POTEI: variants seen among roughly 807,000 people sequenced by gnomAD.
POTEI encodes the protein POTE ankyrin domain family member I.
POTEI carries 14 observed loss-of-function variants against 43.4 expected under a neutral mutation model. That is an observed-to-expected ratio of 0.32 (90% CI 0.21 to 0.50). The LOEUF is 0.50. Ranked by LOEUF, POTEI falls within the 20% of genes least tolerant of loss-of-function variation. The pLI is 0.98. For missense variants in POTEI, 235 were observed against 795.4 expected (o/e 0.30, Z 8.47); for synonymous variants, 95 against 297.9 (o/e 0.32, Z 7.01).
At chr2:130,480,461 C>T (rs1210730486) in intron 10 of POTEI, among the ~76,000 whole-genome samples, 1 of 150,960 alleles carries the variant, frequency 6.6e-6, no homozygotes, top group African/African-American at 2.4e-5. Flanking sequence ...TCTGCACTTG[C>T]TGCTCTTCCT....
chr2:130,504,970 A>AAC (rs1277792584), intron 1 of POTEI, among the ~76,000 whole-genome samples: 63 of 104,920 alleles, frequency 6.0e-4, no homozygotes, highest in African/African-American at 1.7e-3. Flanking sequence ...TACATAGGTA[A>AAC]ATGTGCACCA....
At chr2:130,496,453 C>T in intron 6 of POTEI, 99 bp downstream of exon 6, 2 of 731,792 alleles carry the variant, frequency 2.7e-6, no homozygotes, top group Non-Finnish European at 4.2e-6. Flanking sequence ...TCCCCACCTT[C>T]CCCCAGCCCA....
At chr2:130,477,509 A>G (rs1355009211) in intron 10 of POTEI, among the ~76,000 whole-genome samples, 1 of 150,774 alleles carries the variant, frequency 6.6e-6, no homozygotes, top group African/African-American at 2.5e-5. Flanking sequence ...CCAAATAAAC[A>G]GGTACCTCCT....
In POTEI at chr2:130,508,649, C is replaced by G; in HGVS notation, c.521+66G>C. 12 of 690,206 alleles carry G rather than the reference C, an allele frequency of 1.7e-5. 1 individual carries two copies. Among genetic ancestry groups the G allele is most frequent in the Non-Finnish European group, 1.9e-5 (9 of 481,302 alleles). 42.8% of individuals were successfully genotyped at this position (690,206 alleles called of 1,614,324 possible). A position where few individuals can be genotyped will look rare whatever the true frequency, so the allele number is the denominator to read the frequency against. On this transcript the variant is annotated intron_variant, in intron 1 of 14. Coordinates refer to ENST00000451531, the MANE Select transcript of POTEI (RefSeq NM_001277406.2). ...GAGAAAGCCAGGTCCCCCTCCTCCC[C>G]CGCCAGGAGGGTATGTCCCCATCAT...
chr2:130,493,052 T>C (rs1382820460), intron 6 of POTEI, among the ~76,000 whole-genome samples: 3 of 124,336 alleles, frequency 2.4e-5, no homozygotes, highest in African/African-American at 5.6e-5. Flanking sequence ...AAAAATGCCC[T>C]GCTAAAGGGA....
intron 10 of POTEI, among the ~76,000 whole-genome samples, chr2:130,477,545 C>T (rs1400991430): frequency 6.7e-6 from 1 of 150,028 alleles, no homozygotes; most frequent in Non-Finnish European, 1.5e-5. Context: ...TAGTACTTTA[C>T]TGATTTTTCT....
intron 10 of POTEI, among the ~76,000 whole-genome samples, chr2:130,480,236 C>T (rs1460089913): frequency 6.7e-5 from 6 of 89,820 alleles, no homozygotes; most frequent in Non-Finnish European, 1.1e-4. Flanking sequence ...TTAGCCACTG[C>T]TCATCTAGTA....
chr2:130,483,785 T>C (rs951299558), intron 9 of POTEI, among the ~76,000 whole-genome samples: 3 of 149,644 alleles, frequency 2.0e-5, no homozygotes, highest in African/African-American at 7.5e-5. Flanking sequence ...TTAGTAGAGA[T>C]GGGGTTTCAC....
chr2:130,468,703 T>TC (rs1553467555), intron 13 of POTEI, among the ~76,000 whole-genome samples: 2 of 64,746 alleles, frequency 3.1e-5, no homozygotes, highest in Non-Finnish European at 4.4e-5. Context: ...GCCAAACTAT[T>TC]GGGGGGGGGG....
At chr2:130,474,183 G>T (rs1683107684) in intron 13 of POTEI, among the ~76,000 whole-genome samples, 195 bp downstream of exon 13, 3 of 151,318 alleles carry the variant, frequency 2.0e-5, no homozygotes, top group African/African-American at 7.3e-5. Flanking sequence ...GCCAATACTG[G>T]TTATTTTTCA....
chr2:130,474,018 C>G (rs1444008001), intron 13 of POTEI, among the ~76,000 whole-genome samples: 1 of 142,796 alleles, frequency 7.0e-6, no homozygotes, highest in Non-Finnish European at 1.5e-5. Flanking sequence ...CAAAAAACTA[C>G]CTTTCGAGTA....
Position 130,500,523 on chromosome 2 carries a change from GA to G in POTEI, c.917+12del, listed in dbSNP as rs764225105. On this transcript the variant is annotated intron_variant, in intron 4 of 14. Coordinates refer to ENST00000451531, the MANE Select transcript of POTEI (RefSeq NM_001277406.2). The stretch of plus-strand genomic sequence containing the variant: ...TATCCATCTAGAACACAGATTAAAA[GA>G]AAGAACTATACCTTCCATATCTATC... 1 of 1,609,160 alleles carries G rather than the reference GA, an allele frequency of 6.2e-7. No individual in the cohort carries two copies. Among genetic ancestry groups the G allele is most frequent in the African/African-American group, 1.3e-5 (1 of 74,664 alleles).
At chr2:130,478,697 C>A (rs1190661079) in intron 10 of POTEI, among the ~76,000 whole-genome samples, 1 of 106,058 alleles carries the variant, frequency 9.4e-6, no homozygotes, top group African/African-American at 4.1e-5. Context: ...AGCTGTGACT[C>A]ACACAGGTCA....
intron 6 of POTEI, among the ~76,000 whole-genome samples, chr2:130,491,632 A>G (rs1814430): frequency 0.86 from 11,017 of 12,862 alleles, 5,070 homozygotes; most frequent in East Asian, 1. Flanking sequence ...TCCACGATTC[A>G]GACATATTTA....
chr2:130,509,456 C>T (rs1418674782), upstream of POTEI: 2 of 254,394 alleles, frequency 7.9e-6, no homozygotes, highest in Non-Finnish European at 1.4e-5. Context: ...GAAGGGCCAA[C>T]CCCCCCCCCC....
chr2:130,474,872 T>G (rs1480398382), intron 12 of POTEI, 35 bp downstream of exon 12: 3 of 321,200 alleles, frequency 9.3e-6, no homozygotes, highest in Non-Finnish European at 1.6e-5. Context: ...TGTAAAAATC[T>G]AATTCAACAC....
chr2:130,507,267 A>C (rs79389078), intron 1 of POTEI, among the ~76,000 whole-genome samples: 19,690 of 26,554 alleles, frequency 0.74, 7,750 homozygotes, highest in South Asian at 0.86. Context: ...CCACCAAAAA[A>C]AAAAGGATAT....
intron 10 of POTEI, among the ~76,000 whole-genome samples, chr2:130,478,604 C>T (rs918069445): frequency 7.6e-6 from 1 of 130,756 alleles, no homozygotes; most frequent in African/African-American, 3.2e-5. Context: ...GAAGTCAGAA[C>T]TATGACATGA....
intron 13 of POTEI, among the ~76,000 whole-genome samples, chr2:130,468,797 C>T (rs375344744): frequency 2.2e-4 from 34 of 151,354 alleles, no homozygotes; most frequent in African/African-American, 6.1e-4. Flanking sequence ...TGTTTGAAAA[C>T]AAAATGATCT....
Sources: gnomAD v4.1 joint callset for allele counts (sites outside exome capture counted in the v4.1 genomes callset) on GRCh38, gnomAD v4.1.1 for gene constraint, MANE v1.5 for transcripts, NCBI Gene and HGNC (gene_info 2026-07-23, HGNC 2026-07-21) for gene names.